Variants in SRGN observed in about 807,000 individuals in gnomAD.
SRGN encodes the protein serglycin, also known as hematopoetic proteoglycan core peptide.
Under a neutral mutation model 9.5 loss-of-function variants are expected in SRGN, and 2 were observed. That is an observed-to-expected ratio of 0.21 (90% CI 0.09 to 0.66). The LOEUF (loss-of-function observed/expected upper bound fraction) is 0.66, where lower values mean the gene tolerates loss of function less well. Ranked by LOEUF, SRGN falls within the 30% of genes least tolerant of loss-of-function variation. The probability of loss-of-function intolerance (pLI) is 0.83; values close to 1 mark genes in which losing one functional copy is unlikely to be tolerated. For synonymous variants in SRGN, 59 were observed against 72.3 expected, an observed-to-expected ratio of 0.82 and a Z score of 0.93; for missense variants, 170 against 192.4, an observed-to-expected ratio of 0.88 and a Z score of 0.69.
chr10:69,095,220 A>G (rs140415572), intron 1 of SRGN, among the ~76,000 whole-genome samples: 55 of 151,544 alleles, frequency 3.6e-4, no homozygotes, highest in African/African-American at 1.1e-3. Flanking sequence ...AGGCAGGAGA[A>G]TCGCTTGAAC....
intron 2 of SRGN, among the ~76,000 whole-genome samples, 179 bp from the exon 3 acceptor site, chr10:69,103,692 C>T (rs377212940): frequency 2.0e-5 from 3 of 152,102 alleles, no homozygotes; most frequent in South Asian, 2.1e-4. Context: ...CACATAGGAA[C>T]ATTTGACCTG....
At chr10:69,096,966 C>A in intron 1 of SRGN, 118 bp from the exon 2 acceptor site, 1 of 1,060,062 alleles carries the variant, frequency 9.4e-7, no homozygotes, top group Non-Finnish European at 1.3e-6. Context: ...TGCACTCCAG[C>A]TTGGGCAGCC....
At chr10:69,093,408 C>G (rs1469825033) in intron 1 of SRGN, among the ~76,000 whole-genome samples, 1 of 152,082 alleles carries the variant, frequency 6.6e-6, no homozygotes, top group Non-Finnish European at 1.5e-5. Flanking sequence ...TTAAAACTCC[C>G]TATGTGGTTT....
chr10:69,095,877 A>C (rs1840163362), intron 1 of SRGN, among the ~76,000 whole-genome samples: 1 of 151,906 alleles, frequency 6.6e-6, no homozygotes, highest in Admixed American at 6.6e-5. Flanking sequence ...GTGACAGTGC[A>C]CTCCAGCCTG....
At chr10:69,100,732 C>T (rs1840272429) in intron 2 of SRGN, among the ~76,000 whole-genome samples, 1 of 152,106 alleles carries the variant, frequency 6.6e-6, no homozygotes, top group Non-Finnish European at 1.5e-5. Context: ...CTGCATTTCT[C>T]AGGCTCCCAG....
chr10:69,099,314 T>TG (rs535974899), intron 2 of SRGN, among the ~76,000 whole-genome samples: 188 of 151,072 alleles, frequency 1.2e-3, no homozygotes, highest in Non-Finnish European at 1.8e-3. Context: ...CTTTTGTTTT[T>TG]TTTTTTTTTT....
At chr10:69,092,860 A>G (rs953905596) in intron 1 of SRGN, among the ~76,000 whole-genome samples, 1 of 151,766 alleles carries the variant, frequency 6.6e-6, no homozygotes, top group African/African-American at 2.4e-5. Flanking sequence ...AACCATCACT[A>G]TAATTGCTTC....
At chr10:69,102,619 C>T (rs971647789) in intron 2 of SRGN, among the ~76,000 whole-genome samples, 2 of 152,116 alleles carry the variant, frequency 1.3e-5, no homozygotes, top group African/African-American at 2.4e-5. Context: ...CTTTGTTGCC[C>T]TGTTCTGTCA....
intron 1 of SRGN, 75 bp downstream of exon 1, chr10:69,088,311 T>G: frequency 7.9e-7 from 1 of 1,267,574 alleles, no homozygotes; most frequent in Non-Finnish European, 1.2e-6. Flanking sequence ...TTATATTCAT[T>G]TTAAGGCATA....
intron 1 of SRGN, among the ~76,000 whole-genome samples, chr10:69,089,073 C>T (rs771635162): frequency 5.9e-5 from 9 of 152,216 alleles, no homozygotes; most frequent in Non-Finnish European, 1.0e-4. Flanking sequence ...CACTAGGTTC[C>T]GCCAAATGGT....
intron 2 of SRGN, among the ~76,000 whole-genome samples, chr10:69,100,361 C>T (rs1321023349): frequency 2.6e-5 from 4 of 152,112 alleles, no homozygotes; most frequent in Non-Finnish European, 5.9e-5. Flanking sequence ...TGTGGCACTG[C>T]ACTCCAGCCA....
chr10:69,090,622 A>C (rs1345524948), intron 1 of SRGN, among the ~76,000 whole-genome samples: 1 of 152,134 alleles, frequency 6.6e-6, no homozygotes, highest in African/African-American at 2.4e-5. Flanking sequence ...GGGCCACCCT[A>C]ATGGCCTCAT....
At chr10:69,088,305 A>G (rs1839980964) in intron 1 of SRGN, 69 bp downstream of exon 1, 11 of 1,332,704 alleles carry the variant, frequency 8.3e-6, no homozygotes, top group Non-Finnish European at 1.2e-5. Context: ...AAGTCATTAT[A>G]TTCATTTTAA....
intron 1 of SRGN, among the ~76,000 whole-genome samples, chr10:69,089,836 C>A (rs1370610941): frequency 1.3e-5 from 2 of 151,796 alleles, no homozygotes; most frequent in Non-Finnish European, 1.5e-5. Context: ...GTGGAGGTTG[C>A]AGTGAGCTGA....
At chr10:69,103,204 G>T (rs1840325922) in intron 2 of SRGN, among the ~76,000 whole-genome samples, 1 of 151,960 alleles carries the variant, frequency 6.6e-6, no homozygotes, top group Admixed American at 6.6e-5. Flanking sequence ...CTCCCAAAGT[G>T]CTTGGATTAC....
chr10:69,096,768 G>C (rs551187547), intron 1 of SRGN, among the ~76,000 whole-genome samples: 22 of 152,196 alleles, frequency 1.4e-4, no homozygotes, highest in African/African-American at 4.1e-4. Context: ...TTGAGCCCAG[G>C]TGTTTGAGAC....
At chr10:69,102,181 G>A (rs79126774) in intron 2 of SRGN, among the ~76,000 whole-genome samples, 3,422 of 151,932 alleles carry the variant, frequency 0.023, 49 homozygotes, top group Non-Finnish European at 0.035. Context: ...ACATGTTGGT[G>A]TGACCCTGGC....
chr10:69,101,425 C>T (rs1840288576), intron 2 of SRGN, among the ~76,000 whole-genome samples: 1 of 152,148 alleles, frequency 6.6e-6, no homozygotes, highest in Admixed American at 6.6e-5. Flanking sequence ...CCAAGGCCAC[C>T]TCTCTTTGTG....
intron 2 of SRGN, among the ~76,000 whole-genome samples, chr10:69,099,893 T>C (rs1840254771): frequency 1.3e-5 from 2 of 152,070 alleles, no homozygotes; most frequent in South Asian, 4.2e-4. Flanking sequence ...AGGCCAAGAA[T>C]TTGAGACCAG....
Sources: gnomAD v4.1 joint callset for allele counts (sites outside exome capture counted in the v4.1 genomes callset) on GRCh38, gnomAD v4.1.1 for gene constraint, MANE v1.5 for transcripts, NCBI Gene and HGNC (gene_info 2026-07-23, HGNC 2026-07-21) for gene names.